The following IQCM variants were observed in gnomAD, a reference collection of about 807,000 sequenced individuals.
IQCM encodes the protein IQ domain-containing protein M.
In IQCM, 45 loss-of-function variants were observed where a neutral mutation model predicts 57.6. The observed-to-expected ratio is 0.78, with a 90% CI of 0.62 to 1.00. The LOEUF (loss-of-function observed/expected upper bound fraction) is 1.00. Ranked by LOEUF, IQCM falls within the 50% of genes least tolerant of loss-of-function variation. IQCM has a pLI of 0.00. For synonymous variants in IQCM, 148 were observed against 158.9 expected (o/e 0.93, Z 0.51); for missense variants, 468 against 511.6 (o/e 0.91, Z 0.82).
intron 10 of IQCM, among the ~76,000 whole-genome samples, chr4:149,557,110 G>C (rs769068199): frequency 6.6e-6 from 1 of 152,120 alleles, no homozygotes; most frequent in African/African-American, 2.4e-5. Flanking sequence ...TCTATAGGCC[G>C]TGGTTCTTGG....
chr4:149,572,520 T>G (rs551847911), intron 9 of IQCM, among the ~76,000 whole-genome samples: 1 of 151,982 alleles, frequency 6.6e-6, no homozygotes, highest in South Asian at 2.1e-4. Context: ...ATTTCAAATT[T>G]TATATCTCTA....
chr4:149,406,922 A>G (rs1733017624), intron 13 of IQCM, among the ~76,000 whole-genome samples: 1 of 152,158 alleles, frequency 6.6e-6, no homozygotes, highest in Admixed American at 6.5e-5. Context: ...CCTCATGATC[A>G]TGGTGGAAGG....
intron 2 of IQCM, among the ~76,000 whole-genome samples, chr4:149,798,594 C>G (rs190865677): frequency 1.3e-5 from 2 of 151,804 alleles, no homozygotes; most frequent in African/African-American, 2.4e-5. Context: ...CTGTTGCCTA[C>G]AAGAAACACA....
chr4:149,720,275 G>A (rs184908205), intron 5 of IQCM, among the ~76,000 whole-genome samples: 3 of 152,122 alleles, frequency 2.0e-5, no homozygotes, highest in Admixed American at 6.6e-5. Context: ...TGGTAAAAAA[G>A]AATGTGTTTC....
chr4:149,582,337 T>G (rs1339634990), intron 9 of IQCM, among the ~76,000 whole-genome samples: 4 of 43,588 alleles, frequency 9.2e-5, no homozygotes, highest in Middle Eastern at 0.01. Context: ...TATATATATA[T>G]ATATATATAT....
chr4:149,754,127 C>T (rs1768735638), intron 2 of IQCM, among the ~76,000 whole-genome samples: 2 of 152,176 alleles, frequency 1.3e-5, no homozygotes, highest in South Asian at 4.1e-4. Context: ...TATTACCCAG[C>T]TGCTAGCAAT....
chr4:149,678,590 T>C (rs1761943041), intron 7 of IQCM, among the ~76,000 whole-genome samples: 1 of 151,380 alleles, frequency 6.6e-6, no homozygotes, highest in African/African-American at 2.4e-5. Flanking sequence ...ATGGAAGTTA[T>C]AAAACCCACT....
chr4:149,782,419 G>A (rs754048213), intron 2 of IQCM, among the ~76,000 whole-genome samples: 3 of 151,992 alleles, frequency 2.0e-5, no homozygotes, highest in Non-Finnish European at 4.4e-5. Flanking sequence ...CAACCAATCT[G>A]GGAAACAAAG....
chr4:149,809,010 G>A (rs1020515096), intron 2 of IQCM, among the ~76,000 whole-genome samples: 2 of 152,114 alleles, frequency 1.3e-5, no homozygotes, highest in Non-Finnish European at 2.9e-5. Context: ...AAGAACTAAG[G>A]ATATCCTTCA....
chr4:149,598,137 G>C (rs1023206944), intron 8 of IQCM, among the ~76,000 whole-genome samples: 1 of 152,164 alleles, frequency 6.6e-6, no homozygotes, highest in African/African-American at 2.4e-5. Context: ...CACTTCTAAA[G>C]GATGTAGTTC....
intron 5 of IQCM, among the ~76,000 whole-genome samples, chr4:149,693,060 C>T (rs1763058987): frequency 6.6e-6 from 1 of 152,166 alleles, no homozygotes; most frequent in African/African-American, 2.4e-5. Flanking sequence ...TAGTCTCTAG[C>T]ACTACTTACT....
intron 12 of IQCM, among the ~76,000 whole-genome samples, chr4:149,529,997 C>A (rs1188106981): frequency 6.6e-6 from 1 of 152,144 alleles, no homozygotes; most frequent in African/African-American, 2.4e-5. Context: ...GCTACACTGG[C>A]TTTCTTGCTG....
chr4:149,499,248 C>T (rs777524313), intron 12 of IQCM, among the ~76,000 whole-genome samples: 94 of 152,028 alleles, frequency 6.2e-4, no homozygotes, highest in Non-Finnish European at 1.2e-3. Context: ...GGTGCCAATG[C>T]TTATTTGAAT....
intron 12 of IQCM, among the ~76,000 whole-genome samples, chr4:149,503,533 G>T (rs947960595): frequency 2.6e-5 from 4 of 152,070 alleles, no homozygotes; most frequent in Admixed American, 2.0e-4. Context: ...GAAAATTTTT[G>T]ATGTGCAGCC....
At chr4:149,521,546 A>C (rs1745647693) in intron 12 of IQCM, among the ~76,000 whole-genome samples, 1 of 152,226 alleles carries the variant, frequency 6.6e-6, no homozygotes. Context: ...GTTTTATGTC[A>C]AAATGTAATC....
intron 7 of IQCM, among the ~76,000 whole-genome samples, chr4:149,626,556 T>C (rs902658247): frequency 2.6e-5 from 4 of 151,940 alleles, no homozygotes; most frequent in African/African-American, 7.2e-5. Context: ...TATAGAACAG[T>C]AGCATCACTG....
In IQCM at chr4:149,702,120, T is replaced by A. The variant is rs543099408; in HGVS notation, c.386-15652A>T. ...TAAAGTCAATCTATTTAAACAAAAATAGAATGACTTATATCTGCCACAAAT... is the reference window on the plus strand; with the variant it reads ...TAAAGTCAATCTATTTAAACAAAAAAAGAATGACTTATATCTGCCACAAAT... On this transcript the variant is annotated intron_variant, in intron 5 of 13. Transcript: ENST00000636793. Among the ~76,000 whole-genome samples the A allele has an allele frequency of 2.6e-3, 399 of 152,046 alleles. 3 individuals carry two copies. Among genetic ancestry groups the A allele is most frequent in the Non-Finnish European group, 4.0e-3 (274 of 67,898 alleles).
At chr4:149,414,667 T>C (rs1335885285) in intron 13 of IQCM, among the ~76,000 whole-genome samples, 1 of 152,084 alleles carries the variant, frequency 6.6e-6, no homozygotes, top group African/African-American at 2.4e-5. Flanking sequence ...ATTTTTCAAT[T>C]ATATAACTAA....
chr4:149,362,776 T>C (rs915016717), intron 13 of IQCM, among the ~76,000 whole-genome samples: 1 of 152,226 alleles, frequency 6.6e-6, no homozygotes, highest in African/African-American at 2.4e-5. Flanking sequence ...TTACGTTTTG[T>C]GTACTTCAGA....
Sources: allele counts gnomAD v4.1 joint callset (sites outside exome capture counted in the v4.1 genomes callset), GRCh38; gene constraint gnomAD v4.1.1; transcripts MANE v1.5; gene names NCBI Gene and HGNC (gene_info 2026-07-23, HGNC 2026-07-21).